Variants in FRMPD2 observed in about 807,000 individuals in gnomAD.
FRMPD2 encodes FERM and PDZ domain containing 2.
FRMPD2 carries 96 observed loss-of-function variants against 140.1 expected under a neutral mutation model. The ratio of observed to expected loss-of-function variants is 0.69; its 90% CI spans 0.58 to 0.81. The LOEUF (loss-of-function observed/expected upper bound fraction) is 0.81. Ranked by LOEUF, FRMPD2 falls within the 40% of genes least tolerant of loss-of-function variation. The pLI is 0.00. For synonymous variants in FRMPD2, 449 were observed against 547.6 expected (o/e 0.82, Z 2.52); for missense variants, 1,240 against 1,447.4 (o/e 0.86, Z 2.32).
intron 7 of FRMPD2, among the ~76,000 whole-genome samples, chr10:48,239,343 G>A (rs1194219785): frequency 6.6e-6 from 1 of 152,222 alleles, no homozygotes. Context: ...ATTGAGGCAT[G>A]TTGTTGCTCC....
At chr10:48,208,542 A>G (rs1839250015) in intron 13 of FRMPD2, among the ~76,000 whole-genome samples, 1 of 152,240 alleles carries the variant, frequency 6.6e-6, no homozygotes, top group Non-Finnish European at 1.5e-5. Flanking sequence ...AAATATGGAA[A>G]GATGAGCCTG....
intron 15 of FRMPD2, among the ~76,000 whole-genome samples, chr10:48,193,533 G>A (rs1838888012): frequency 6.6e-6 from 1 of 152,146 alleles, no homozygotes; most frequent in South Asian, 2.1e-4. Context: ...CCATGGATGT[G>A]ATTAACTCCC....
intron 13 of FRMPD2, 29 bp downstream of exon 13, chr10:48,211,925 C>T (rs901659277): frequency 6.9e-6 from 11 of 1,604,288 alleles, no homozygotes; most frequent in African/African-American, 1.3e-5. Flanking sequence ...TGAAGACCAA[C>T]ACCTCTCTCC....
intron 15 of FRMPD2, among the ~76,000 whole-genome samples, chr10:48,199,443 T>C (rs780709806): frequency 1.3e-5 from 2 of 152,228 alleles, no homozygotes; most frequent in Non-Finnish European, 2.9e-5. Context: ...CTGTAATTGC[T>C]AAGCAGCAGC....
intron 16 of FRMPD2, among the ~76,000 whole-genome samples, chr10:48,190,744 T>G (rs900410875): frequency 6.6e-6 from 1 of 152,174 alleles, no homozygotes; most frequent in African/African-American, 2.4e-5. Flanking sequence ...ATTAGAGTTA[T>G]ACCGAATATT....
intron 1 of FRMPD2, among the ~76,000 whole-genome samples, chr10:48,264,636 T>C (rs2131985245): frequency 6.6e-6 from 1 of 152,216 alleles, no homozygotes; most frequent in African/African-American, 2.4e-5. Context: ...GAAATAAAAA[T>C]ATTTGTTTTA....
At chr10:48,185,894 C>T (rs557715503) in intron 17 of FRMPD2, among the ~76,000 whole-genome samples, 41 of 152,290 alleles carry the variant, frequency 2.7e-4, no homozygotes, top group African/African-American at 9.4e-4. Flanking sequence ...AGAGCAGAGG[C>T]AAGAACAGGA....
chr10:48,269,166 CA>C (rs1293398592), intron 1 of FRMPD2, among the ~76,000 whole-genome samples: 3 of 152,080 alleles, frequency 2.0e-5, no homozygotes, highest in African/African-American at 7.2e-5. Flanking sequence ...GAAAACAAAA[CA>C]GCAATGAGAA....
At chr10:48,189,609 C>A (rs1838781361) in intron 16 of FRMPD2, among the ~76,000 whole-genome samples, 1 of 152,112 alleles carries the variant, frequency 6.6e-6, no homozygotes, top group African/African-American at 2.4e-5. Context: ...AGGTGGGGAC[C>A]ACATCTGTCA....
At chr10:48,241,753 G>A (rs1401880453) in intron 5 of FRMPD2, among the ~76,000 whole-genome samples, 1 of 152,212 alleles carries the variant, frequency 6.6e-6, no homozygotes, top group Non-Finnish European at 1.5e-5. Flanking sequence ...GCAGAGGGGA[G>A]GGTACCCAGG....
chr10:48,192,400 A>G (rs1010719859), intron 16 of FRMPD2, among the ~76,000 whole-genome samples: 1 of 152,072 alleles, frequency 6.6e-6, no homozygotes, highest in Non-Finnish European at 1.5e-5. Flanking sequence ...CAGCCTGACC[A>G]ACATGGAGAA....
chr10:48,174,719 G>A, intron 24 of FRMPD2, 151 bp downstream of exon 24: 6 of 664,932 alleles, frequency 9.0e-6, no homozygotes, highest in South Asian at 7.0e-5. Context: ...AAAAGTGAGG[G>A]TAAGAAGAAA....
chr10:48,217,964 G>A (rs1247709018), intron 12 of FRMPD2, among the ~76,000 whole-genome samples: 1 of 152,146 alleles, frequency 6.6e-6, no homozygotes, highest in Admixed American at 6.5e-5. Flanking sequence ...CTAACTAGGG[G>A]GCTTAAACAA....
chr10:48,206,290 C>T (rs749001891), intron 14 of FRMPD2, among the ~76,000 whole-genome samples: 1 of 152,204 alleles, frequency 6.6e-6, no homozygotes, highest in East Asian at 1.9e-4. Context: ...TCCTCAGAGA[C>T]AGACCAGAGG....
At chr10:48,199,487 G>A (rs756138339) in intron 15 of FRMPD2, among the ~76,000 whole-genome samples, 1 of 152,122 alleles carries the variant, frequency 6.6e-6, no homozygotes. Flanking sequence ...GTGCTTCCAG[G>A]GCTATTTAAT....
At chr10:48,227,062 T>G (rs1175311490) in intron 10 of FRMPD2, among the ~76,000 whole-genome samples, 1 of 152,210 alleles carries the variant, frequency 6.6e-6, no homozygotes, top group Non-Finnish European at 1.5e-5. Flanking sequence ...AAAGCCAGCT[T>G]TCCCAAATAT....
At chr10:48,251,980 C>G (rs140058510) in intron 1 of FRMPD2, among the ~76,000 whole-genome samples, 1 of 152,138 alleles carries the variant, frequency 6.6e-6, no homozygotes, top group Non-Finnish European at 1.5e-5. Flanking sequence ...AATGAACAAC[C>G]AAATGAAACA....
chr10:48,207,043 G>C, intron 13 of FRMPD2, 110 bp from the exon 14 acceptor site: 1 of 926,560 alleles, frequency 1.1e-6, no homozygotes, highest in South Asian at 2.3e-5. Flanking sequence ...TGAAAAGAAA[G>C]AGTAGAATTG....
chr10:48,214,497 G>C (rs1839402080), intron 12 of FRMPD2, among the ~76,000 whole-genome samples: 1 of 152,134 alleles, frequency 6.6e-6, no homozygotes. Flanking sequence ...GATTTTTATG[G>C]TGTCTGTAGG....
Sources: gnomAD v4.1 joint callset for allele counts (sites outside exome capture counted in the v4.1 genomes callset) on GRCh38, gnomAD v4.1.1 for gene constraint, MANE v1.5 for transcripts, NCBI Gene and HGNC (gene_info 2026-07-23, HGNC 2026-07-21) for gene names.